SSBP2: variants seen among roughly 807,000 people sequenced by gnomAD.
The protein encoded by SSBP2 is single stranded DNA binding protein 2, also known as single-stranded DNA-binding protein 2.
A neutral mutation model predicts 61.8 loss-of-function variants in SSBP2; 17 were observed. The observed-to-expected ratio is 0.28, with a 90% CI of 0.19 to 0.41. SSBP2 has a LOEUF of 0.41. SSBP2 is among the 10% of genes least tolerant of loss of function. SSBP2 has a pLI of 1.00. For synonymous variants in SSBP2, 139 were observed against 141.3 expected (o/e 0.98, Z 0.12); for missense variants, 310 against 458.7 (o/e 0.68, Z 2.96).
At chr5:81,577,909 A>T (rs996955985) in intron 4 of SSBP2, among the ~76,000 whole-genome samples, 2 of 152,062 alleles carry the variant, frequency 1.3e-5, no homozygotes, top group African/African-American at 2.4e-5. Context: ...CTTATGATAT[A>T]CCAGATTGTA....
intron 4 of SSBP2, among the ~76,000 whole-genome samples, chr5:81,563,397 A>G (rs1327982357): frequency 6.6e-6 from 1 of 152,196 alleles, no homozygotes; most frequent in Non-Finnish European, 1.5e-5. Flanking sequence ...AAAAAATTCT[A>G]AAGGTTCTAG....
At chr5:81,430,433 C>T (rs955327015) in intron 15 of SSBP2, among the ~76,000 whole-genome samples, 7 of 152,056 alleles carry the variant, frequency 4.6e-5, no homozygotes, top group African/African-American at 1.7e-4. Context: ...ATTCATACCC[C>T]CTGTGGTATA....
chr5:81,501,771 T>C (rs146130346), intron 5 of SSBP2, among the ~76,000 whole-genome samples: 6,375 of 151,956 alleles, frequency 0.042, 165 homozygotes, highest in Non-Finnish European at 0.063. Context: ...TTTCACCATG[T>C]TAGCCAGGAT....
chr5:81,740,570 T>A (rs1025384761), intron 1 of SSBP2, among the ~76,000 whole-genome samples: 2 of 152,112 alleles, frequency 1.3e-5, no homozygotes, highest in African/African-American at 4.8e-5. Context: ...GGTGCCCTTG[T>A]CCAAAAAAAG....
intron 4 of SSBP2, among the ~76,000 whole-genome samples, chr5:81,591,534 T>C (rs1775502438): frequency 6.6e-6 from 1 of 152,064 alleles, no homozygotes; most frequent in Non-Finnish European, 1.5e-5. Flanking sequence ...AAGATTCTAA[T>C]AGAAAAGGTG....
Position 81,596,120 on chromosome 5 carries a change from G to T in SSBP2, c.282+19353C>A, listed in dbSNP as rs557308111. ...TCTCAGCCCAAAATCTCCTCAAGCT[G>T]ATAAGCAACTTCAGCAAAGTCTCAG... is the stretch of plus-strand genomic sequence containing the variant. On this transcript the variant is annotated intron_variant, in intron 4 of 16. Transcript: ENST00000320672. 4.6e-5 allele frequency among the ~76,000 whole-genome samples: 7 copies of T among 152,274 alleles called. No homozygotes were observed. In the South Asian group the frequency reaches 1.5e-3, roughly 32 times the overall value.
chr5:81,587,030 G>A (rs1022655897), intron 4 of SSBP2, among the ~76,000 whole-genome samples: 12 of 152,064 alleles, frequency 7.9e-5, no homozygotes, highest in African/African-American at 2.9e-4. Flanking sequence ...CTTGCATCTG[G>A]TTTCCTCCAG....
At chr5:81,476,978 G>C (rs920817758) in intron 6 of SSBP2, among the ~76,000 whole-genome samples, 1 of 152,014 alleles carries the variant, frequency 6.6e-6, no homozygotes, top group Non-Finnish European at 1.5e-5. Flanking sequence ...CTAGTGAGAA[G>C]CCTTCAGGTG....
intron 4 of SSBP2, among the ~76,000 whole-genome samples, chr5:81,559,809 C>T (rs1212600525): frequency 4.6e-5 from 7 of 151,656 alleles, no homozygotes; most frequent in Non-Finnish European, 8.8e-5. Flanking sequence ...AAATCTTAAA[C>T]GTCAAAAAAA....
At chr5:81,743,347 C>T (rs889729884) in intron 1 of SSBP2, among the ~76,000 whole-genome samples, 5 of 152,134 alleles carry the variant, frequency 3.3e-5, no homozygotes, top group Non-Finnish European at 5.9e-5. Context: ...TTCAGTTCTC[C>T]GTTGAAATGT....
chr5:81,420,231 A>T lies in SSBP2; in HGVS notation c.*273T>A, dbSNP rs960664395. On this transcript the variant is annotated 3_prime_UTR_variant, in exon 17 of 17. Transcript: ENST00000320672. Reference sequence around the variant, plus strand: ...ATGTCTGTATAACATACACATATACAGTACATTCTCTTTCCCACACATATA... The same window carrying T: ...ATGTCTGTATAACATACACATATACTGTACATTCTCTTTCCCACACATATA... 4 of 475,472 alleles carry T rather than the reference A, an allele frequency of 8.4e-6. No homozygotes were observed. Among genetic ancestry groups the T allele is most frequent in the African/African-American group, 7.8e-5 (4 of 51,338 alleles). 29.5% of individuals were successfully genotyped at this position (475,472 alleles called of 1,614,324 possible).
chr5:81,672,586 T>C (rs1226835092), intron 1 of SSBP2, among the ~76,000 whole-genome samples: 1 of 151,742 alleles, frequency 6.6e-6, no homozygotes, highest in Non-Finnish European at 1.5e-5. Flanking sequence ...TTTTTTTTTT[T>C]TTGAGATGGA....
At chr5:81,683,996 T>C (rs958373976) in intron 1 of SSBP2, among the ~76,000 whole-genome samples, 1 of 152,216 alleles carries the variant, frequency 6.6e-6, no homozygotes, top group African/African-American at 2.4e-5. Context: ...CATTCATTGC[T>C]GGTGGAAATG....
chr5:81,523,858 A>G (rs1450552280), intron 4 of SSBP2, among the ~76,000 whole-genome samples: 1 of 152,068 alleles, frequency 6.6e-6, no homozygotes, highest in Non-Finnish European at 1.5e-5. Context: ...TCGAAATACC[A>G]TAGTTTAAAG....
At chr5:81,685,030 A>C (rs562155581) in intron 1 of SSBP2, among the ~76,000 whole-genome samples, 38 of 152,136 alleles carry the variant, frequency 2.5e-4, no homozygotes, top group African/African-American at 9.2e-4. Context: ...TTCTTGTGAT[A>C]GTGAGTTCTC....
At position 81,461,114 on chromosome 5, in the gene SSBP2, A is replaced by AT; in HGVS notation, c.639-12dup. On this transcript the variant is annotated splice_polypyrimidine_tract_variant and intron_variant, in intron 9 of 16. Transcript: ENST00000320672. ...CCACCACCTGGACCCCTACAAAACAATTTGATAAATGAAATTTTAACCTAT... is the reference window on the plus strand; with the variant it reads ...CCACCACCTGGACCCCTACAAAACAATTTTGATAAATGAAATTTTAACCTAT... 6.3e-7 allele frequency: 1 copy of AT among 1,575,216 alleles called. No individual in the cohort carries two copies. The highest frequency in any genetic ancestry group is 1.2e-5 in the South Asian group (1 of 82,080).
At chr5:81,489,126 C>T in intron 6 of SSBP2, 124 bp downstream of exon 6, 4 of 873,860 alleles carry the variant, frequency 4.6e-6, no homozygotes, top group Non-Finnish European at 7.1e-6. Context: ...TTGAAGCAGA[C>T]TAGAAATAGC....
intron 10 of SSBP2, among the ~76,000 whole-genome samples, chr5:81,456,594 A>G (rs1764167081): frequency 6.6e-6 from 1 of 151,580 alleles, no homozygotes; most frequent in South Asian, 2.1e-4. Flanking sequence ...CCTTCGTGAA[A>G]AAGAAAAAAA....
At chr5:81,565,591 G>A (rs1017258328) in intron 4 of SSBP2, among the ~76,000 whole-genome samples, 6 of 151,968 alleles carry the variant, frequency 3.9e-5, no homozygotes, top group South Asian at 2.1e-4. Flanking sequence ...CCCATGACAC[G>A]GTATACATAC....
Sources: gnomAD v4.1 joint callset for allele counts (sites outside exome capture counted in the v4.1 genomes callset) on GRCh38, gnomAD v4.1.1 for gene constraint, MANE v1.5 for transcripts, NCBI Gene and HGNC (gene_info 2026-07-23, HGNC 2026-07-21) for gene names.